SLC22A7: variants seen among roughly 807,000 people sequenced by gnomAD.
SLC22A7 encodes hOAT2.
A neutral mutation model predicts 62.2 loss-of-function variants in SLC22A7; 48 were observed. That is an observed-to-expected ratio of 0.77 (90% CI 0.61 to 0.98). SLC22A7 has a LOEUF of 0.98. SLC22A7 is among the 50% of genes least tolerant of loss of function. The pLI is 0.00. For synonymous variants in SLC22A7, 276 were observed against 314.8 expected (o/e 0.88, Z 1.30); for missense variants, 581 against 703.8 (o/e 0.83, Z 1.97).
chr6:43,297,184 G>C (rs888402775), upstream of SLC22A7, among the ~76,000 whole-genome samples: 4 of 152,128 alleles, frequency 2.6e-5, no homozygotes, highest in African/African-American at 9.7e-5. Flanking sequence ...TCCCAGCCTG[G>C]AGCAGACTGG....
chr6:43,300,373 G>A (rs547388539), intron 5 of SLC22A7, among the ~76,000 whole-genome samples: 5 of 152,102 alleles, frequency 3.3e-5, no homozygotes, highest in Admixed American at 1.3e-4. Context: ...ATGGGGGTGG[G>A]GAGCTCAGGC....
chr6:43,298,945 T>A (rs1208453253), intron 1 of SLC22A7, 147 bp from the exon 2 acceptor site: 10 of 1,119,682 alleles, frequency 8.9e-6, no homozygotes, highest in Non-Finnish European at 1.0e-5. Context: ...CAAGAACTGT[T>A]ATCATCATCA....
At position 43,302,808 on chromosome 6, in the gene SLC22A7, CA is replaced by C. The variant is rs1354409751; in HGVS notation, c.1385+46del. ...ATCTGGGGGTATGGGGCTTGTTAGT[CA>C]CGTGTCTTAACCAACACTTCTACAT... On this transcript the variant is annotated intron_variant, in intron 9 of 10. Coordinates refer to ENST00000372585, the MANE Select transcript of SLC22A7 (RefSeq NM_153320.2). The surrounding 1 kb of genome is among the most constrained non-coding windows in gnomAD (Gnocchi z 5.0). 1.5e-6 allele frequency: 2 copies of C among 1,301,460 alleles called. No homozygotes were observed. The highest frequency in any genetic ancestry group is 2.2e-6 in the Non-Finnish European group (2 of 908,948). 80.6% of individuals were successfully genotyped at this position (1,301,460 alleles called of 1,614,324 possible).
Position 43,302,080 on chromosome 6 carries a change from G to C in SLC22A7, c.1062-120G>C. 2 of 876,086 alleles carry C rather than the reference G, an allele frequency of 2.3e-6. No individual in the cohort carries two copies. The highest frequency in any genetic ancestry group is 2.5e-5 in the East Asian group (1 of 39,350). The allele number at this position is 876,086 out of a possible 1,614,324, so 54.3% of individuals were successfully genotyped here. A position where few individuals can be genotyped will look rare whatever the true frequency, so the allele number is the denominator to read the frequency against. On this transcript the variant is annotated intron_variant, in intron 7 of 10. Transcript: ENST00000372585. This position sits in a 1 kb window ranked among gnomAD's most constrained non-coding sequence, Gnocchi z 5.0. ...ATGTCAGGGAAGGTCCTGGCGGGGGGACCGGGGGTTGCAGAGACAGAAGGA... is the reference window on the plus strand; with the variant it reads ...ATGTCAGGGAAGGTCCTGGCGGGGGCACCGGGGGTTGCAGAGACAGAAGGA...
chr6:43,299,252 G>A lies in SLC22A7; in HGVS notation c.400-138G>A, dbSNP rs763745009. ...TCCCCAAGCTGGCGTGAATCGTTGG[G>A]AGGTTTATTATCTGGCATGGAGGTA... is the stretch of plus-strand genomic sequence containing the variant. On this transcript the variant is annotated intron_variant, in intron 2 of 10. Coordinates refer to ENST00000372585, the MANE Select transcript of SLC22A7 (RefSeq NM_153320.2). The surrounding 1 kb of genome is among the most constrained non-coding windows in gnomAD (Gnocchi z 4.4). The A allele has an allele frequency of 1.5e-5, 24 of 1,607,536 alleles. No individual in the cohort carries two copies. The highest frequency in any genetic ancestry group is 1.7e-5 in the Non-Finnish European group (20 of 1,176,598).
chr6:43,303,570 G>C (rs547404479), intron 9 of SLC22A7, among the ~76,000 whole-genome samples: 1 of 152,272 alleles, frequency 6.6e-6, no homozygotes, highest in South Asian at 2.1e-4. Flanking sequence ...GGAAGGCAGA[G>C]ATGCCCTTGA....
At position 43,298,672 on chromosome 6, in the gene SLC22A7, A is replaced by T; in HGVS notation, c.314A>T (p.Glu105Val). 1.3e-6 allele frequency: 2 copies of T among 1,561,732 alleles called. No individual in the cohort carries two copies. Among genetic ancestry groups the T allele is most frequent in the Non-Finnish European group, 1.7e-6 (2 of 1,152,072 alleles). ...GAAAGGCAGAGCCGTGGGGAGCTGG[A>T]GGATGAACCTGCCACAGTGCCCTGC... ...GEERQSRGEL[E>V]DEPATVPCSQ... The change falls in exon 1 of 11, where the codon GAG becomes GTG. Residue 105 changes from glutamate to valine, a missense_variant. Physicochemically the swap from Glu to Val is moderately radical, Grantham distance 121. Transcript: ENST00000372585.
chr6:43,296,268 C>G (rs560299152), upstream of SLC22A7, among the ~76,000 whole-genome samples: 1 of 152,340 alleles, frequency 6.6e-6, no homozygotes, highest in South Asian at 2.1e-4. Flanking sequence ...GTAACCACTG[C>G]ATGATTATCA....
In SLC22A7 at chr6:43,298,409, A is replaced by G. The variant is rs1276120172; in HGVS notation, c.51A>G (p.Gln17=). ...LEQVGGFGPF[Q]LRNVALLALP... is the part of the protein sequence containing the mutation. ...AGGTGGGCGGCTTTGGGCCCTTCCA[A>G]CTGCGGAATGTGGCACTGCTGGCCC... Residue 17 remains glutamine (Q), a synonymous_variant, in exon 1 of 11, where the codon CAA becomes CAG. Transcript: ENST00000372585. 8 of 1,614,052 alleles carry G rather than the reference A, an allele frequency of 5.0e-6. No individual in the cohort carries two copies. The highest frequency in any genetic ancestry group is 6.8e-6 in the Non-Finnish European group (8 of 1,179,984).
rs771869732 is a variant in SLC22A7 at position 43,298,638 on chromosome 6, T to C, written c.280T>C (p.Leu94=). 94 of 1,589,248 alleles carry C rather than the reference T, an allele frequency of 5.9e-5. No individual in the cohort carries two copies. Among genetic ancestry groups the C allele is most frequent in the Non-Finnish European group, 7.7e-5 (90 of 1,165,636 alleles). ...TCCCCAGGCTCTCCCCAACACCACGTTGGGGGAAGAAAGGCAGAGCCGTGG... is the reference window on the plus strand; with the variant it reads ...TCCCCAGGCTCTCCCCAACACCACGCTGGGGGAAGAAAGGCAGAGCCGTGG... ...AYPQALPNTT[L]GEERQSRGEL... Residue 94 remains leucine (L), a synonymous_variant, in exon 1 of 11, where the codon TTG becomes CTG. Coordinates refer to ENST00000372585, the MANE Select transcript of SLC22A7 (RefSeq NM_153320.2).
chr6:43,303,851 G>A (rs1351049989), intron 9 of SLC22A7, among the ~76,000 whole-genome samples, 187 bp from the exon 10 acceptor site: 1 of 152,214 alleles, frequency 6.6e-6, no homozygotes, highest in East Asian at 1.9e-4. Flanking sequence ...CCTCTGGTGG[G>A]TGCTGGCTTG....
chr6:43,299,836 A>C lies in SLC22A7; in HGVS notation c.658+55A>C. On this transcript the variant is annotated intron_variant, in intron 4 of 10. Transcript: ENST00000372585. This position sits in a 1 kb window ranked among gnomAD's most constrained non-coding sequence, Gnocchi z 4.4. ...AGAGGGCTGGAAGAAGGCAGTTGTC[A>C]GAGTGAGGCTGAGCCCATCTGGTCC... The C allele has an allele frequency of 6.2e-7, 1 of 1,614,228 alleles. No individual in the cohort carries two copies. The highest frequency in any genetic ancestry group is 8.5e-7 in the Non-Finnish European group (1 of 1,180,018).
In SLC22A7 at chr6:43,302,662, G is replaced by A. The variant is rs1286497764; in HGVS notation, c.1284G>A (p.Lys428=). 2 of 1,600,218 alleles carry A rather than the reference G, an allele frequency of 1.2e-6. No individual in the cohort carries two copies. Among genetic ancestry groups the A allele is most frequent in the Non-Finnish European group, 1.7e-6 (2 of 1,171,234 alleles). The part of the protein sequence containing the change: ...GTRLLVSSDM[K]SWSTVLAVMG... The stretch of plus-strand genomic sequence containing the variant: ...GAACCCGCTTCCCTCCAGATATGAA[G>A]TCCTGGAGCACTGTCCTGGCAGTGA... Residue 428 remains lysine (K), a synonymous_variant, in exon 9 of 11, where the codon AAG becomes AAA. Transcript: ENST00000372585. This position sits in a 1 kb window ranked among gnomAD's most constrained non-coding sequence, Gnocchi z 5.0.
In SLC22A7 at chr6:43,302,851, G is replaced by T; in HGVS notation, c.1385+88G>T. 2.4e-6 allele frequency: 2 copies of T among 848,572 alleles called. No homozygotes were observed. Among genetic ancestry groups the T allele is most frequent in the South Asian group, 1.6e-5 (1 of 61,646 alleles). The allele number at this position is 848,572 out of a possible 1,614,324, so 52.6% of individuals were successfully genotyped here. On this transcript the variant is annotated intron_variant, in intron 9 of 10. Coordinates refer to ENST00000372585, the MANE Select transcript of SLC22A7 (RefSeq NM_153320.2). This position sits in a 1 kb window ranked among gnomAD's most constrained non-coding sequence, Gnocchi z 5.0. ...CTTCTACATACACGCACCACAACCT[G>T]GTCTCTCACTCATTTTTTTTTTAAT... is the stretch of plus-strand genomic sequence containing the variant.
intron 9 of SLC22A7, chr6:43,303,211 A>G (rs1778816192): frequency 2.1e-6 from 2 of 974,944 alleles, no homozygotes; most frequent in African/African-American, 1.8e-5. Flanking sequence ...CTGTAATCCC[A>G]GCATTTTGGA....
intron 5 of SLC22A7, chr6:43,300,312 C>T (rs1190228304): frequency 9.0e-6 from 5 of 558,098 alleles, no homozygotes; most frequent in Middle Eastern, 4.7e-4. Flanking sequence ...CAGAGCCAAA[C>T]ATAAATTGAG....
chr6:43,298,237 G>C, upstream of SLC22A7: 1 of 880,522 alleles, frequency 1.1e-6, no homozygotes, highest in Non-Finnish European at 1.7e-6. Context: ...CTGGATTCTG[G>C]CTGCAGGCTC....
chr6:43,305,180 T>C lies in SLC22A7; in HGVS notation c.*455T>C, dbSNP rs1778896011. Reference sequence around the variant, plus strand: ...GGCCCTACCATAGGATCTGTTGCCATGCTCAAATGAGTTACTGAATAAGGT... The same window carrying C: ...GGCCCTACCATAGGATCTGTTGCCACGCTCAAATGAGTTACTGAATAAGGT... On this transcript the variant is annotated 3_prime_UTR_variant, in exon 11 of 11. Transcript: ENST00000372585. 6.1e-6 allele frequency: 1 copy of C among 163,490 alleles called. No homozygotes were observed. The highest frequency in any genetic ancestry group is 1.3e-5 in the Non-Finnish European group (1 of 76,084). 10.1% of individuals were successfully genotyped at this position (163,490 alleles called of 1,614,324 possible). A position where few individuals can be genotyped will look rare whatever the true frequency, so the allele number is the denominator to read the frequency against.
intron 5 of SLC22A7, among the ~76,000 whole-genome samples, chr6:43,300,815 T>G (rs890522567): frequency 6.6e-6 from 1 of 152,084 alleles, no homozygotes; most frequent in African/African-American, 2.4e-5. Flanking sequence ...TTTTTGATTT[T>G]TTGTAGAGAC....
Sources: allele counts gnomAD v4.1 joint callset (sites outside exome capture counted in the v4.1 genomes callset), GRCh38; gene constraint gnomAD v4.1.1; non-coding constraint Gnocchi (gnomAD v3.1); transcripts MANE v1.5; gene names NCBI Gene and HGNC (gene_info 2026-07-23, HGNC 2026-07-21).